FOXP1: variants seen among roughly 807,000 people sequenced by gnomAD.
FOXP1 encodes forkhead box P1.
In FOXP1, 15 loss-of-function variants were observed where a neutral mutation model predicts 98.2. The ratio of observed to expected loss-of-function variants is 0.15; its 90% confidence interval spans 0.10 to 0.24. The LOEUF (loss-of-function observed/expected upper bound fraction) is 0.24. Among genes scored for constraint, FOXP1 ranks in the 10% least tolerant of loss-of-function variants. The pLI, the probability that FOXP1 is intolerant of heterozygous loss-of-function variation, is 1.00. For synonymous variants in FOXP1, 371 were observed against 314.5 expected, an observed-to-expected ratio of 1.18 and a Z score of -1.90; for missense variants, 633 against 848.5, an observed-to-expected ratio of 0.75 and a Z score of 3.15.
chr3:71,583,190 G>A (rs1046073486), intron 1 of FOXP1, among the ~76,000 whole-genome samples: 4 of 152,064 alleles, frequency 2.6e-5, no homozygotes, highest in Non-Finnish European at 2.9e-5. Flanking sequence ...CGCAGAGAGA[G>A]GCGTGAAGGG....
intron 3 of FOXP1, among the ~76,000 whole-genome samples, chr3:71,359,981 C>A (rs1017448279): frequency 2.6e-5 from 4 of 151,988 alleles, no homozygotes; most frequent in African/African-American, 9.7e-5. Flanking sequence ...TTAGTAGAGA[C>A]AAGGTTTCAC....
chr3:71,231,825 C>T (rs903433424), intron 5 of FOXP1, among the ~76,000 whole-genome samples: 3 of 152,184 alleles, frequency 2.0e-5, no homozygotes, highest in Non-Finnish European at 4.4e-5. Flanking sequence ...GGTGTCAGGA[C>T]CTAGATTCCT....
At chr3:71,297,862 C>T (rs1019793095) in intron 5 of FOXP1, among the ~76,000 whole-genome samples, 1 of 152,020 alleles carries the variant, frequency 6.6e-6, no homozygotes, top group South Asian at 2.1e-4. Context: ...TCGCCTCAGC[C>T]TCCCAAAGTG....
At chr3:71,367,549 G>A (rs1391132872) in intron 3 of FOXP1, among the ~76,000 whole-genome samples, 1 of 152,100 alleles carries the variant, frequency 6.6e-6, no homozygotes, top group Non-Finnish European at 1.5e-5. Context: ...GGATATCGAA[G>A]ATTAGATGAA....
intron 11 of FOXP1, among the ~76,000 whole-genome samples, chr3:71,019,508 G>T (rs1482420474): frequency 2.0e-5 from 3 of 152,020 alleles, no homozygotes; most frequent in Non-Finnish European, 4.4e-5. Context: ...CACTTTTTCG[G>T]CTCCATATAC....
intron 5 of FOXP1, among the ~76,000 whole-genome samples, chr3:71,294,816 TG>T (rs1426609265): frequency 6.6e-6 from 1 of 152,052 alleles, no homozygotes; most frequent in Admixed American, 6.6e-5. Context: ...TGACAATGAG[TG>T]GGATGTATAC....
rs1216521035 is a variant in FOXP1 at position 70,955,809 on chromosome 3, C to A, written c.*3438G>T. On this transcript the variant is annotated 3_prime_UTR_variant, in exon 21 of 21. Transcript: ENST00000649528. ...CAAGGGATAGGAATGTATCAAAAAA[C>A]AGATTAACACACACGCACGCGCGCA... The A allele has an allele frequency of 4.3e-6, 1 of 230,670 alleles. No homozygotes were observed. The highest frequency in any genetic ancestry group is 8.5e-6 in the Non-Finnish European group (1 of 117,840). 14.3% of individuals were successfully genotyped at this position (230,670 alleles called of 1,614,324 possible). A position where few individuals can be genotyped will look rare whatever the true frequency, so the allele number is the denominator to read the frequency against.
At chr3:71,381,492 G>A (rs1417494834) in intron 3 of FOXP1, among the ~76,000 whole-genome samples, 1 of 145,410 alleles carries the variant, frequency 6.9e-6, no homozygotes, top group Non-Finnish European at 1.5e-5. Flanking sequence ...ACCCAGGCTG[G>A]AGTGCAGTGG....
chr3:71,345,739 G>A (rs1001135888), intron 4 of FOXP1, among the ~76,000 whole-genome samples: 1 of 151,942 alleles, frequency 6.6e-6, no homozygotes, highest in African/African-American at 2.4e-5. Flanking sequence ...GCTGAGAGCA[G>A]GCGGCATTCT....
chr3:70,973,974 G>A (rs1383036482), intron 17 of FOXP1, among the ~76,000 whole-genome samples: 1 of 151,946 alleles, frequency 6.6e-6, no homozygotes, highest in African/African-American at 2.4e-5. Flanking sequence ...TGGCTGTGAG[G>A]ATTCAAGCTA....
intron 6 of FOXP1, among the ~76,000 whole-genome samples, chr3:71,163,222 A>G (rs2061230315): frequency 6.6e-6 from 1 of 152,224 alleles, no homozygotes; most frequent in Admixed American, 6.5e-5. Context: ...TGATACTTCA[A>G]TGAAAAATTG....
chr3:71,194,093 C>T (rs1337643884), intron 6 of FOXP1, among the ~76,000 whole-genome samples: 1 of 152,144 alleles, frequency 6.6e-6, no homozygotes, highest in African/African-American at 2.4e-5. Flanking sequence ...TCCACACTTT[C>T]TAAATAATAC....
intron 5 of FOXP1, among the ~76,000 whole-genome samples, chr3:71,297,327 T>A (rs914330709): frequency 1.3e-5 from 2 of 152,106 alleles, no homozygotes; most frequent in Non-Finnish European, 2.9e-5. Flanking sequence ...AACATTTCTT[T>A]CCAATTTTTC....
At chr3:71,326,109 C>T (rs2075675395) in intron 4 of FOXP1, among the ~76,000 whole-genome samples, 1 of 152,018 alleles carries the variant, frequency 6.6e-6, no homozygotes, top group Non-Finnish European at 1.5e-5. Flanking sequence ...TTCGTTATAC[C>T]ATTTTTTACA....
intron 3 of FOXP1, among the ~76,000 whole-genome samples, chr3:71,396,640 G>A (rs1195177360): frequency 6.6e-6 from 1 of 151,782 alleles, no homozygotes; most frequent in East Asian, 1.9e-4. Flanking sequence ...AGTTCAGACT[G>A]ACTACATAAT....
intron 12 of FOXP1, among the ~76,000 whole-genome samples, chr3:71,014,907 C>T (rs901910030): frequency 5.3e-5 from 8 of 151,910 alleles, no homozygotes; most frequent in Middle Eastern, 3.4e-3. Context: ...AACCAAACAC[C>T]GCATGTTCTC....
intron 2 of FOXP1, 184 bp downstream of exon 2, chr3:71,581,365 G>A (rs1203981946): frequency 1.0e-6 from 1 of 985,328 alleles, no homozygotes; most frequent in Non-Finnish European, 1.2e-6. Flanking sequence ...GAAAAGGGTG[G>A]AGGGGAGGAA....
At chr3:71,109,042 A>C (rs1434335715) in intron 7 of FOXP1, among the ~76,000 whole-genome samples, 1 of 152,256 alleles carries the variant, frequency 6.6e-6, no homozygotes, top group Non-Finnish European at 1.5e-5. Context: ...GCAAATGAAC[A>C]GACTAAGTAA....
At chr3:71,000,023 G>A (rs1175979875) in intron 13 of FOXP1, among the ~76,000 whole-genome samples, 1 of 152,118 alleles carries the variant, frequency 6.6e-6, no homozygotes, top group Non-Finnish European at 1.5e-5. Context: ...TGCATAAATG[G>A]GGTTTGCAGG....
Sources: gnomAD v4.1 joint callset for allele counts (sites outside exome capture counted in the v4.1 genomes callset) on GRCh38, gnomAD v4.1.1 for gene constraint, MANE v1.5 for transcripts, NCBI Gene and HGNC (gene_info 2026-07-23, HGNC 2026-07-21) for gene names.